The following EME2 variants were observed in gnomAD, a reference collection of about 807,000 sequenced individuals.
EME2 encodes the protein structure-specific endonuclease subunit EME2.
In EME2, 58 loss-of-function variants were observed where a neutral mutation model predicts 41.9. The ratio of observed to expected loss-of-function variants is 1.38; its 90% CI spans 1.12 to 1.72. EME2 has a LOEUF of 1.72. Ranked by LOEUF, EME2 falls within the 40% of genes most tolerant of loss-of-function variation. EME2 has a pLI of 0.00. For missense variants in EME2, 695 were observed against 541.9 expected (o/e 1.28, Z -2.81); for synonymous variants, 334 against 239.3 (o/e 1.40, Z -3.65).
chr16:1,776,425 CT>C lies in EME2; in HGVS notation c.*189del, dbSNP rs373393246. 1.9e-3 allele frequency: 1,094 copies of C among 585,472 alleles called. 4 individuals carry two copies. In the African/African-American group the frequency reaches 0.019, roughly 10 times the overall value. The allele number at this position is 585,472 out of a possible 1,614,324, so 36.3% of individuals were successfully genotyped here. On this transcript the variant is annotated 3_prime_UTR_variant, in exon 8 of 8. Coordinates refer to ENST00000568449, the MANE Select transcript of EME2 (RefSeq NM_001257370.2). ...TTTTAGGTAGCTGGGAGAAGAGGGG[CT>C]TCTGGCTGGCAGATGGCTGGCGGTT...
At chr16:1,775,510 G>A in intron 5 of EME2, 59 bp from the exon 6 acceptor site, 2 of 1,600,326 alleles carry the variant, frequency 1.2e-6, no homozygotes, top group South Asian at 1.1e-5. Flanking sequence ...GCAGCTATCA[G>A]CTGTGTGTCC....
rs377104497 is a variant in EME2 at position 1,773,490 on chromosome 16, C to T, written c.247+16C>T. The stretch of plus-strand genomic sequence containing the variant: ...GTGGACACAGGTGCGGCGGAGGGCA[C>T]GGGCGATACTCGGGGTAGGAAAGGC... On this transcript the variant is annotated intron_variant, in intron 1 of 7. Coordinates refer to ENST00000568449, the MANE Select transcript of EME2 (RefSeq NM_001257370.2). 66 of 1,577,612 alleles carry T rather than the reference C, an allele frequency of 4.2e-5. No homozygotes were observed. The highest frequency in any genetic ancestry group is 5.4e-5 in the Non-Finnish European group (63 of 1,171,176).
Position 1,775,419 on chromosome 16 carries a change from G to C in EME2, c.663+11G>C, listed in dbSNP as rs780537651. The C allele has an allele frequency of 3.7e-6, 6 of 1,612,108 alleles. No individual in the cohort carries two copies. Among genetic ancestry groups the C allele is most frequent in the South Asian group, 3.3e-5 (3 of 90,970 alleles). ...CCGGAGGTGGAAGAGGTGAGGGCCT[G>C]TCTGAGCTGGGTGAGTCAGGTGGCC... is the stretch of plus-strand genomic sequence containing the variant. On this transcript the variant is annotated intron_variant, in intron 5 of 7. Transcript: ENST00000568449.
In EME2 at chr16:1,775,743, G is replaced by A. The variant is rs201328408; in HGVS notation, c.780-54G>A. 1.2e-3 allele frequency: 1,877 copies of A among 1,612,268 alleles called. 2 individuals carry two copies. Among genetic ancestry groups the A allele is most frequent in the Non-Finnish European group, 1.5e-3 (1,776 of 1,179,480 alleles). On this transcript the variant is annotated intron_variant, in intron 6 of 7. Coordinates refer to ENST00000568449, the MANE Select transcript of EME2 (RefSeq NM_001257370.2). ...CACCTCAAGGTAGTGGTGCCTCCCC[G>A]GCCTTTTGGGAGCTGCTCACATGAG...
Position 1,776,283 on chromosome 16 carries a change from C to G in EME2, c.*45C>G, listed in dbSNP as rs759571598. ...GACAGCATGCAGCCTTGGGGACAGA[C>G]CAGACACCCTGGGCGGTGGGGGAGG... On this transcript the variant is annotated 3_prime_UTR_variant, in exon 8 of 8. Coordinates refer to ENST00000568449, the MANE Select transcript of EME2 (RefSeq NM_001257370.2). The G allele has an allele frequency of 2.7e-5, 43 of 1,593,756 alleles. No individual in the cohort carries two copies. Among genetic ancestry groups the G allele is most frequent in the Non-Finnish European group, 3.6e-5 (42 of 1,166,740 alleles).
intron 1 of EME2, 52 bp downstream of exon 1, chr16:1,773,526 C>G: frequency 1.3e-6 from 2 of 1,545,434 alleles, no homozygotes; most frequent in Non-Finnish European, 8.7e-7. Flanking sequence ...CTTTCTCCGC[C>G]AGGCGGCGCC....
chr16:1,773,871 C>T (rs2042669767), intron 2 of EME2, 30 bp downstream of exon 2: 2 of 1,517,180 alleles, frequency 1.3e-6, no homozygotes, highest in East Asian at 2.4e-5. Context: ...CGAGGGCCAG[C>T]CGCGAGTTGG....
Position 1,778,470 on chromosome 16 carries a change from CG to C in EME2, c.*2234del. ...CTCTCCGCAGCGGCAGTCCCTGCCC[CG>C]GTGGGCCGAGTGCAGGCTGCTACAG... On this transcript the variant is annotated 3_prime_UTR_variant, in exon 8 of 8. Transcript: ENST00000568449. 6.2e-7 allele frequency: 1 copy of C among 1,611,358 alleles called. No individual in the cohort carries two copies. The highest frequency in any genetic ancestry group is 8.5e-7 in the Non-Finnish European group (1 of 1,179,294).
Position 1,775,848 on chromosome 16 carries a change from A to T in EME2, c.831A>T (p.Ala277=), listed in dbSNP as rs747178708. The change falls in exon 7 of 8, where the codon GCA becomes GCT. Residue 277 remains alanine, a synonymous_variant. Coordinates refer to ENST00000568449, the MANE Select transcript of EME2 (RefSeq NM_001257370.2). ...AFSFCTAGRW[A]AGEPVARDGA... is the part of the protein sequence containing the mutation. The stretch of plus-strand genomic sequence containing the variant: ...CCTTCTGCACAGCAGGGCGCTGGGC[A>T]GCCGGCGAGCCAGTGGCAAGAGACG... 6.2e-7 allele frequency: 1 copy of T among 1,610,618 alleles called. No individual in the cohort carries two copies. Among genetic ancestry groups the T allele is most frequent in the Non-Finnish European group, 8.5e-7 (1 of 1,179,442 alleles).
chr16:1,776,272 T>C lies in EME2; in HGVS notation c.*34T>C. ...GGGACCACCAGGACAGCATGCAGCCTTGGGGACAGACCAGACACCCTGGGC... is the reference window on the plus strand; with the variant it reads ...GGGACCACCAGGACAGCATGCAGCCCTGGGGACAGACCAGACACCCTGGGC... On this transcript the variant is annotated 3_prime_UTR_variant, in exon 8 of 8. Coordinates refer to ENST00000568449, the MANE Select transcript of EME2 (RefSeq NM_001257370.2). The C allele has an allele frequency of 2.5e-6, 4 of 1,606,454 alleles. No individual in the cohort carries two copies. Among genetic ancestry groups the C allele is most frequent in the Non-Finnish European group, 3.4e-6 (4 of 1,175,828 alleles).
At position 1,780,799 on chromosome 16, in the gene EME2, C is replaced by A. The variant is rs527524633; in HGVS notation, c.*4561C>A. Reference sequence around the variant, plus strand: ...CCAGGCTGGAACGCACTGGTGTGATCACGGCTCACTGCAGCCTTGACCTCC... The same window carrying A: ...CCAGGCTGGAACGCACTGGTGTGATAACGGCTCACTGCAGCCTTGACCTCC... On this transcript the variant is annotated 3_prime_UTR_variant, in exon 8 of 8. Transcript: ENST00000568449. 6.5e-5 allele frequency: 16 copies of A among 247,868 alleles called. No individual in the cohort carries two copies. In the South Asian group the frequency reaches 6.9e-4, roughly 11 times the overall value. The allele number at this position is 247,868 out of a possible 1,614,324, so 15.4% of individuals were successfully genotyped here.
chr16:1,777,297 G>T lies in EME2; in HGVS notation c.*1059G>T. 1.9e-6 allele frequency: 3 copies of T among 1,610,118 alleles called. No homozygotes were observed. The highest frequency in any genetic ancestry group is 2.5e-6 in the Non-Finnish European group (3 of 1,179,790). On this transcript the variant is annotated 3_prime_UTR_variant, in exon 8 of 8. Transcript: ENST00000568449. ...CCCTCCAGCGTGTCTCCCGAGTCTG[G>T]CCGCAGCTGGCGCAGGCGGTGGCAG...
In EME2 at chr16:1,777,345, C is replaced by T. The variant is rs142379153; in HGVS notation, c.*1107C>T. Reference sequence around the variant, plus strand: ...CAGCACAGGTACTGGAGGGAAGTGGCGCTGGCACAGGAGCGGGTGACCTTC... The same window carrying T: ...CAGCACAGGTACTGGAGGGAAGTGGTGCTGGCACAGGAGCGGGTGACCTTC... On this transcript the variant is annotated 3_prime_UTR_variant, in exon 8 of 8. Transcript: ENST00000568449. The T allele has an allele frequency of 7.5e-6, 12 of 1,607,624 alleles. No individual in the cohort carries two copies. The highest frequency in any genetic ancestry group is 1.7e-5 in the Admixed American group (1 of 59,902).
Position 1,776,826 on chromosome 16 carries a change from C to G in EME2, c.*588C>G, listed in dbSNP as rs2042720079. 1.9e-6 allele frequency: 1 copy of G among 525,228 alleles called. No homozygotes were observed. The highest frequency in any genetic ancestry group is 2.7e-5 in the South Asian group (1 of 37,574). The allele number at this position is 525,228 out of a possible 1,614,324, so 32.5% of individuals were successfully genotyped here. Reference sequence around the variant, plus strand: ...AAAAACCGAGGCCCTGTGGGAACAGCAACGCGGGCTCCAGCCAGGCTCTCG... The same window carrying G: ...AAAAACCGAGGCCCTGTGGGAACAGGAACGCGGGCTCCAGCCAGGCTCTCG... On this transcript the variant is annotated 3_prime_UTR_variant, in exon 8 of 8. Coordinates refer to ENST00000568449, the MANE Select transcript of EME2 (RefSeq NM_001257370.2).
chr16:1,776,891 C>T lies in EME2; in HGVS notation c.*653C>T, dbSNP rs1240403445. On this transcript the variant is annotated 3_prime_UTR_variant, in exon 8 of 8. Transcript: ENST00000568449. ...CACAAGACCTGGGGCTCAGGGCAGCCGCTTCCCCACCCAGCACAGCAGCAG... is the reference window on the plus strand; with the variant it reads ...CACAAGACCTGGGGCTCAGGGCAGCTGCTTCCCCACCCAGCACAGCAGCAG... 1.5e-5 allele frequency: 9 copies of T among 619,278 alleles called. No homozygotes were observed. Among genetic ancestry groups the T allele is most frequent in the African/African-American group, 5.6e-5 (3 of 53,928 alleles). 38.4% of individuals were successfully genotyped at this position (619,278 alleles called of 1,614,324 possible). A position where few individuals can be genotyped will look rare whatever the true frequency, so the allele number is the denominator to read the frequency against.
rs1011044639 is a variant in EME2 at position 1,775,574 on chromosome 16, G to A, written c.669G>A (p.Leu223=). ...AVSWPEVEEA[L]VLLQLWANLD... ...TCAGCTTGCCTCCTCCCCAGGCCCT[G>A]GTACTCCTGCAGCTCTGGGCAAACC... The change falls in exon 6 of 8, where the codon CTG becomes CTA. Residue 223 remains leucine (L), a synonymous_variant. Coordinates refer to ENST00000568449, the MANE Select transcript of EME2 (RefSeq NM_001257370.2). 2 of 1,612,794 alleles carry A rather than the reference G, an allele frequency of 1.2e-6. No homozygotes were observed. The highest frequency in any genetic ancestry group is 1.7e-5 in the Admixed American group (1 of 60,018).
At position 1,772,866 on chromosome 16, in the gene EME2, C is replaced by T; in HGVS notation, c.-362C>T. 6.9e-7 allele frequency: 1 copy of T among 1,453,366 alleles called. No individual in the cohort carries two copies. The highest frequency in any genetic ancestry group is 9.0e-7 in the Non-Finnish European group (1 of 1,109,674). The allele number at this position is 1,453,366 out of a possible 1,614,324, so 90.0% of individuals were successfully genotyped here. A position where few individuals can be genotyped will look rare whatever the true frequency, so the allele number is the denominator to read the frequency against. On this transcript the variant is annotated 5_prime_UTR_variant, in exon 1 of 8. Coordinates refer to ENST00000568449, the MANE Select transcript of EME2 (RefSeq NM_001257370.2). ...GCACGGCTCGTCGTGCTGCCACAGC[C>T]AGGACTTGCGCGTGACCAGGCGGCC...
At chr16:1,775,494 C>T in intron 5 of EME2, 75 bp from the exon 6 acceptor site, 2 of 1,594,386 alleles carry the variant, frequency 1.3e-6, no homozygotes, top group Non-Finnish European at 1.7e-6. Context: ...CAGCGTGGTA[C>T]ATGGGGCAGC....
chr16:1,777,852 C>T lies in EME2; in HGVS notation c.*1614C>T, dbSNP rs147662376. On this transcript the variant is annotated 3_prime_UTR_variant, in exon 8 of 8. Coordinates refer to ENST00000568449, the MANE Select transcript of EME2 (RefSeq NM_001257370.2). ...AACCGCGATGAGAAGCTGGTCTTGTCGCCCTTGTGGTGGAGGAGGCCTGGG... is the reference window on the plus strand; with the variant it reads ...AACCGCGATGAGAAGCTGGTCTTGTTGCCCTTGTGGTGGAGGAGGCCTGGG... 47 of 1,612,516 alleles carry T rather than the reference C, an allele frequency of 2.9e-5. No individual in the cohort carries two copies. Among genetic ancestry groups the T allele is most frequent in the Admixed American group, 5.0e-5 (3 of 59,992 alleles).
Sources: gnomAD v4.1 joint callset for allele counts on GRCh38, gnomAD v4.1.1 for gene constraint, MANE v1.5 for transcripts, NCBI Gene and HGNC (gene_info 2026-07-23, HGNC 2026-07-21) for gene names.